The following TG variants were observed in gnomAD, a reference collection of about 807,000 sequenced individuals.
TG encodes thyroglobulin.
A neutral mutation model predicts 324.7 loss-of-function variants in TG; 270 were observed. The ratio of observed to expected loss-of-function variants is 0.83; its 90% CI spans 0.75 to 0.92. The LOEUF (loss-of-function observed/expected upper bound fraction) is 0.92, where lower values mean the gene tolerates loss of function less well. TG is among the 40% of genes least tolerant of loss of function. The probability of loss-of-function intolerance (pLI) is 0.00; values close to 1 mark genes in which losing one functional copy is unlikely to be tolerated. For missense variants in TG, 3,591 were observed against 3,456.4 expected (o/e 1.04, Z -0.98); for synonymous variants, 1,401 against 1,327.0 (o/e 1.06, Z -1.21).
At chr8:132,993,059 C>T (rs978709410) in intron 35 of TG, among the ~76,000 whole-genome samples, 10 of 152,188 alleles carry the variant, frequency 6.6e-5, no homozygotes, top group East Asian at 1.9e-4. Context: ...AGATTTTGGG[C>T]TCCCAGAGGG....
At position 132,947,838 on chromosome 8, in the gene TG, A is replaced by G. The variant is rs146173720; in HGVS notation, c.5234-938A>G. On this transcript the variant is annotated intron_variant, in intron 26 of 47. Transcript: ENST00000220616. ...GAATTAATATACTTAAAGACTTACC[A>G]CAGTGGCTGGCACATAGCAGATATA... 8.5e-4 allele frequency among the ~76,000 whole-genome samples: 129 copies of G among 152,376 alleles called. 1 individual carries two copies. The highest frequency in any genetic ancestry group is 3.1e-3 in the African/African-American group (128 of 41,590).
intron 43 of TG, chr8:133,106,296 CA>C: frequency 3.5e-6 from 2 of 566,316 alleles, no homozygotes; most frequent in Non-Finnish European, 4.5e-6. Context: ...GAGGCAGGGC[CA>C]GGGGGAAGCA....
intron 20 of TG, among the ~76,000 whole-genome samples, chr8:132,916,270 C>T (rs1262656484): frequency 1.3e-5 from 2 of 152,214 alleles, no homozygotes; most frequent in Non-Finnish European, 2.9e-5. Context: ...TGAAATAATG[C>T]AGAGCACAGC....
rs1841963698 is a variant in TG at position 133,059,021 on chromosome 8, C to T, written c.7239+28998C>T. The T allele has an allele frequency of 1.1e-5, 5 of 459,514 alleles. No homozygotes were observed. In the Admixed American group the frequency reaches 1.2e-4, roughly 11 times the overall value. The allele number at this position is 459,514 out of a possible 1,614,324, so 28.5% of individuals were successfully genotyped here. A position where few individuals can be genotyped will look rare whatever the true frequency, so the allele number is the denominator to read the frequency against. ...CCATTTTGGAAGCAGTGAGAAGGCTCCTTTGTGAGGGAGCCACAGAAGTCA... is the reference window on the plus strand; with the variant it reads ...CCATTTTGGAAGCAGTGAGAAGGCTTCTTTGTGAGGGAGCCACAGAAGTCA... On this transcript the variant is annotated intron_variant, in intron 41 of 47. Transcript: ENST00000220616.
chr8:133,094,849 C>T, intron 41 of TG, 195 bp from the exon 42 acceptor site: 1 of 715,234 alleles, frequency 1.4e-6, no homozygotes, highest in Admixed American at 2.1e-5. Context: ...AGAGAGACAT[C>T]TTCAGTATCA....
chr8:132,988,715 C>G, intron 35 of TG: 1 of 985,408 alleles, frequency 1.0e-6, no homozygotes, highest in South Asian at 4.7e-5. Flanking sequence ...AAGGCTTACA[C>G]CAACCAAGCC....
chr8:132,905,390 C>T (rs1352107123), intron 16 of TG, among the ~76,000 whole-genome samples: 1 of 152,094 alleles, frequency 6.6e-6, no homozygotes, highest in Admixed American at 6.5e-5. Flanking sequence ...GGACCATTGC[C>T]CTTATCACAA....
chr8:132,949,026 C>A, intron 27 of TG, 83 bp downstream of exon 27: 1 of 1,338,006 alleles, frequency 7.5e-7, no homozygotes, highest in Non-Finnish European at 1.1e-6. Flanking sequence ...TATGAGCCCT[C>A]CTTGTGGCCT....
chr8:132,890,785 TAGTG>T (rs1816117436), intron 10 of TG, among the ~76,000 whole-genome samples: 1 of 152,182 alleles, frequency 6.6e-6, no homozygotes, highest in African/African-American at 2.4e-5. Context: ...ATACAATTGA[TAGTG>T]AGTAACGAAG....
intron 27 of TG, among the ~76,000 whole-genome samples, chr8:132,952,673 G>T (rs1267925130): frequency 1.3e-5 from 2 of 152,060 alleles, no homozygotes; most frequent in African/African-American, 4.8e-5. Flanking sequence ...CAACCCAAAA[G>T]AACACAAATT....
intron 45 of TG, among the ~76,000 whole-genome samples, chr8:133,117,958 G>C (rs1030239089): frequency 6.6e-6 from 1 of 152,124 alleles, no homozygotes; most frequent in Non-Finnish European, 1.5e-5. Flanking sequence ...TTTCCTCTTA[G>C]GGTTGGCATT....
intron 10 of TG, among the ~76,000 whole-genome samples, chr8:132,892,899 G>A (rs1263293189): frequency 6.8e-6 from 1 of 147,406 alleles, no homozygotes; most frequent in Non-Finnish European, 1.5e-5. Flanking sequence ...ATGCCTGTGT[G>A]CATGTGTGTG....
At chr8:132,895,087 C>T (rs370409494) in intron 11 of TG, among the ~76,000 whole-genome samples, 1 of 152,240 alleles carries the variant, frequency 6.6e-6, no homozygotes, top group South Asian at 2.1e-4. Flanking sequence ...CCTCCATAAC[C>T]TCACAGCTGC....
intron 10 of TG, among the ~76,000 whole-genome samples, chr8:132,888,983 T>C (rs531496133): frequency 6.6e-6 from 1 of 152,310 alleles, no homozygotes; most frequent in East Asian, 1.9e-4. Flanking sequence ...AATATTACAG[T>C]GAACCTGCTA....
intron 41 of TG, among the ~76,000 whole-genome samples, chr8:133,067,163 C>A (rs1247461794): frequency 6.6e-6 from 1 of 152,146 alleles, no homozygotes; most frequent in Admixed American, 6.5e-5. Flanking sequence ...CCCACCACAT[C>A]CTGACCTCAC....
intron 4 of TG, among the ~76,000 whole-genome samples, chr8:132,871,903 T>C (rs1462247410): frequency 6.6e-6 from 1 of 152,186 alleles, no homozygotes; most frequent in Admixed American, 6.5e-5. Flanking sequence ...ACATACATGA[T>C]GATGGTCCCA....
intron 35 of TG, among the ~76,000 whole-genome samples, chr8:133,000,992 C>T (rs1833426556): frequency 6.6e-6 from 1 of 152,168 alleles, no homozygotes; most frequent in African/African-American, 2.4e-5. Flanking sequence ...CTGTCCCCAG[C>T]CTCTCCCCTT....
chr8:132,900,404 A>C (rs1817745804), intron 15 of TG, 65 bp downstream of exon 15: 1 of 1,473,820 alleles, frequency 6.8e-7, no homozygotes, highest in African/African-American at 1.4e-5. Flanking sequence ...CGTGGAGTCC[A>C]AAGAGCTGGC....
chr8:133,070,640 G>T (rs1415131042), intron 41 of TG, among the ~76,000 whole-genome samples: 1 of 152,220 alleles, frequency 6.6e-6, no homozygotes, highest in Non-Finnish European at 1.5e-5. Context: ...GGTCTAGCCT[G>T]TAAATCCTTT....
Sources: gnomAD v4.1 joint callset for allele counts (sites outside exome capture counted in the v4.1 genomes callset) on GRCh38, gnomAD v4.1.1 for gene constraint, MANE v1.5 for transcripts, NCBI Gene and HGNC (gene_info 2026-07-23, HGNC 2026-07-21) for gene names.